The following RUBCN variants were observed in gnomAD, a reference collection of about 807,000 sequenced individuals.
RUBCN encodes rubicon autophagy regulator.
RUBCN carries 74 observed loss-of-function variants against 113.2 expected under a neutral mutation model. The observed-to-expected ratio is 0.65, with a 90% CI of 0.54 to 0.79. The LOEUF is 0.79. Among genes scored for constraint, RUBCN ranks in the 30% least tolerant of loss-of-function variants. The pLI is 0.00. For missense variants in RUBCN, 1,109 were observed against 1,251.7 expected (o/e 0.89, Z 1.72); for synonymous variants, 480 against 490.0 (o/e 0.98, Z 0.27).
At chr3:197,677,112 C>G in intron 17 of RUBCN, 74 bp from the exon 18 acceptor site, 1 of 1,485,348 alleles carries the variant, frequency 6.7e-7, no homozygotes, top group Non-Finnish European at 9.4e-7. Flanking sequence ...GGATCCCTAT[C>G]CAGAAACTGC....
At chr3:197,705,325 C>T (rs1724172525) in intron 2 of RUBCN, 150 bp from the exon 3 acceptor site, 2 of 746,296 alleles carry the variant, frequency 2.7e-6, no homozygotes, top group Non-Finnish European at 4.7e-6. Flanking sequence ...CACACAGAGG[C>T]CAGGGGTGGT....
At chr3:197,694,711 A>C in intron 9 of RUBCN, 126 bp from the exon 10 acceptor site, 1 of 815,878 alleles carries the variant, frequency 1.2e-6, no homozygotes, top group Non-Finnish European at 2.1e-6. Flanking sequence ...GGAGAAATGG[A>C]CATTTCTACT....
chr3:197,695,494 G>T (rs752454580), intron 9 of RUBCN, among the ~76,000 whole-genome samples: 1 of 152,066 alleles, frequency 6.6e-6, no homozygotes, highest in Non-Finnish European at 1.5e-5. Flanking sequence ...CCAGCTACTC[G>T]GGAGGCTGAG....
intron 10 of RUBCN, 195 bp from the exon 11 acceptor site, chr3:197,694,011 A>G: frequency 3.4e-6 from 2 of 580,872 alleles, no homozygotes; most frequent in East Asian, 3.2e-5. Context: ...AGGTCTCCTC[A>G]TATCAGGAAG....
chr3:197,678,593 G>A (rs1422032781), intron 16 of RUBCN, among the ~76,000 whole-genome samples: 1 of 149,718 alleles, frequency 6.7e-6, no homozygotes, highest in East Asian at 2.0e-4. Flanking sequence ...CTGACAACTG[G>A]CTCCAGACTG....
chr3:197,708,005 G>A (rs1399319983), intron 2 of RUBCN, among the ~76,000 whole-genome samples: 1 of 151,864 alleles, frequency 6.6e-6, no homozygotes, highest in Non-Finnish European at 1.5e-5. Context: ...TGATTCAGCA[G>A]GTCTTTCCTT....
At chr3:197,747,016 G>T (rs1728775204) in intron 1 of RUBCN, among the ~76,000 whole-genome samples, 1 of 151,930 alleles carries the variant, frequency 6.6e-6, no homozygotes, top group Admixed American at 6.6e-5. Context: ...TCCTGCCCCA[G>T]AAAATTGCAG....
chr3:197,744,619 A>G (rs781009878), intron 1 of RUBCN, among the ~76,000 whole-genome samples: 31 of 152,350 alleles, frequency 2.0e-4, no homozygotes, highest in Non-Finnish European at 4.4e-4. Flanking sequence ...TCACTACTCC[A>G]ATTAAACATG....
chr3:197,682,356 G>A (rs1721339398), intron 14 of RUBCN, 114 bp downstream of exon 14: 5 of 1,263,188 alleles, frequency 4.0e-6, no homozygotes, highest in African/African-American at 1.5e-5. Context: ...TTTAAATGAA[G>A]AGAACGGTGT....
At chr3:197,747,843 C>T (rs1192168003) in intron 1 of RUBCN, among the ~76,000 whole-genome samples, 1 of 151,848 alleles carries the variant, frequency 6.6e-6, no homozygotes, top group East Asian at 1.9e-4. Flanking sequence ...GAGACTCTCC[C>T]AAAATCATAC....
At position 197,696,128 on chromosome 3, in the gene RUBCN, C is replaced by G; in HGVS notation, c.1358-147G>C. The G allele has an allele frequency of 7.6e-6, 6 of 794,050 alleles. No individual in the cohort carries two copies. The South Asian group carries it at 9.2e-5, about 12-fold the overall frequency. The allele number at this position is 794,050 out of a possible 1,614,324, so 49.2% of individuals were successfully genotyped here. A position where few individuals can be genotyped will look rare whatever the true frequency, so the allele number is the denominator to read the frequency against. ...CCACCTTCTAAAAGAATTTCTTGCA[C>G]TTTGGGAGGGCAAGGCAGGCGGATC... On this transcript the variant is annotated intron_variant, in intron 8 of 19. Coordinates refer to ENST00000296343, the MANE Select transcript of RUBCN (RefSeq NM_014687.4).
chr3:197,674,360 T>A lies in RUBCN; in HGVS notation c.*658A>T, dbSNP rs748837371. ...GAAAGTCAGCTTGTGGCATCCTCTA[T>A]GCTTCAAATATTTCAAACAGGAACT... On this transcript the variant is annotated 3_prime_UTR_variant, in exon 20 of 20. Coordinates refer to ENST00000296343, the MANE Select transcript of RUBCN (RefSeq NM_014687.4). The A allele has an allele frequency of 1.6e-5, 4 of 249,804 alleles. No homozygotes were observed. Among genetic ancestry groups the A allele is most frequent in the Non-Finnish European group, 3.6e-5 (4 of 110,854 alleles). The allele number at this position is 249,804 out of a possible 1,614,324, so 15.5% of individuals were successfully genotyped here.
Position 197,681,709 on chromosome 3 carries a change from T to G in RUBCN, c.2191+126A>C. 1 of 833,118 alleles carries G rather than the reference T, an allele frequency of 1.2e-6. No individual in the cohort carries two copies. The highest frequency in any genetic ancestry group is 2.1e-6 in the Non-Finnish European group (1 of 485,524). 51.6% of individuals were successfully genotyped at this position (833,118 alleles called of 1,614,324 possible). On this transcript the variant is annotated intron_variant, in intron 15 of 19. Coordinates refer to ENST00000296343, the MANE Select transcript of RUBCN (RefSeq NM_014687.4). The surrounding 1 kb of genome is among the most constrained non-coding windows in gnomAD (Gnocchi z 5.5). The stretch of plus-strand genomic sequence containing the variant: ...AGCACTCTTGCCTACTACGAACCTT[T>G]CTTTCTCCTTCCCTACTTCTGCCAC...
In RUBCN at chr3:197,684,152, C is replaced by T; in HGVS notation, c.1847+5G>A. On this transcript the variant is annotated splice_donor_5th_base_variant and intron_variant, in intron 12 of 19. Transcript: ENST00000296343. Reference sequence around the variant, plus strand: ...TTCTTTTTTTTGGTAAAAAAAAGTACTCACAAGGACTGGGAGGAAACGAAG... The same window carrying T: ...TTCTTTTTTTTGGTAAAAAAAAGTATTCACAAGGACTGGGAGGAAACGAAG... 1 of 1,604,030 alleles carries T rather than the reference C, an allele frequency of 6.2e-7. No homozygotes were observed. The highest frequency in any genetic ancestry group is 2.2e-5 in the East Asian group (1 of 44,826).
chr3:197,727,662 A>T (rs993495665), intron 1 of RUBCN, among the ~76,000 whole-genome samples: 5 of 152,212 alleles, frequency 3.3e-5, no homozygotes, highest in African/African-American at 1.2e-4. Context: ...CTCTCACTGA[A>T]GTAGGAAAGC....
In RUBCN at chr3:197,683,152, C is replaced by T. The variant is rs1219860785; in HGVS notation, c.1980+155G>A. Among the ~76,000 whole-genome samples the T allele has an allele frequency of 2.6e-5, 4 of 152,344 alleles. No individual in the cohort carries two copies. The highest frequency in any genetic ancestry group is 2.0e-4 in the Admixed American group (3 of 15,308). On this transcript the variant is annotated intron_variant, in intron 13 of 19. Transcript: ENST00000296343. This position sits in a 1 kb window ranked among gnomAD's most constrained non-coding sequence, Gnocchi z 4.6. ...CTGACAAGGTGAGCAAGCATTCACT[C>T]GTTCATTTATCACTTGACACATTGT...
At chr3:197,696,918 A>C (rs1395723583) in intron 8 of RUBCN, 36 bp downstream of exon 8, 1 of 1,142,194 alleles carries the variant, frequency 8.8e-7, no homozygotes, top group African/African-American at 1.5e-5. Context: ...AGCAGAGAAA[A>C]TATACAATTT....
chr3:197,707,762 C>T (rs1397065417), intron 2 of RUBCN, among the ~76,000 whole-genome samples: 1 of 151,950 alleles, frequency 6.6e-6, no homozygotes, highest in African/African-American at 2.4e-5. Flanking sequence ...AGGAGAAGTT[C>T]GAGACCAGCC....
chr3:197,688,119 C>G (rs1165637402), intron 11 of RUBCN, among the ~76,000 whole-genome samples: 1 of 152,154 alleles, frequency 6.6e-6, no homozygotes. Flanking sequence ...CTCCACCTCC[C>G]AGGTTCAAGC....
Sources: allele counts gnomAD v4.1 joint callset (sites outside exome capture counted in the v4.1 genomes callset), GRCh38; gene constraint gnomAD v4.1.1; non-coding constraint Gnocchi (gnomAD v3.1); transcripts MANE v1.5; gene names NCBI Gene and HGNC (gene_info 2026-07-23, HGNC 2026-07-21).